Variants in ASMTL observed in about 807,000 individuals in gnomAD.
ASMTL encodes the protein probable bifunctional dTTP/UTP pyrophosphatase/methyltransferase protein.
ASMTL carries 57 observed loss-of-function variants against 60.3 expected under a neutral mutation model. That is an observed-to-expected ratio of 0.95 (90% confidence interval 0.76 to 1.18). The LOEUF (loss-of-function observed/expected upper bound fraction) is 1.18. Ranked by LOEUF, ASMTL falls within the 50% of genes most tolerant of loss-of-function variation. The probability of loss-of-function intolerance (pLI) is 0.00; values close to 1 mark genes in which losing one functional copy is unlikely to be tolerated. For missense variants in ASMTL, 981 were observed against 852.6 expected, an observed-to-expected ratio of 1.15 and a Z score of -1.88; for synonymous variants, 419 against 373.0, an observed-to-expected ratio of 1.12 and a Z score of -1.42.
chrX:1,449,248 T>C (rs2091296869), intron 1 of ASMTL, among the ~76,000 whole-genome samples: 2 of 151,988 alleles, frequency 1.3e-5, no homozygotes, highest in African/African-American at 2.4e-5. Context: ...CTTTTCTTTT[T>C]TCGTCTTTCT....
chrX:1,416,803 C>G (rs2090294840), intron 11 of ASMTL, among the ~76,000 whole-genome samples: 1 of 150,016 alleles, frequency 6.7e-6, no homozygotes, highest in Admixed American at 6.6e-5. Flanking sequence ...CAGTGACATG[C>G]ACACACACCA....
chrX:1,419,196 AAGTGCAGGGCTCC>A (rs2090405623), intron 9 of ASMTL, 82 bp from the exon 10 acceptor site: 1 of 1,534,702 alleles, frequency 6.5e-7, no homozygotes, highest in South Asian at 1.2e-5. Context: ...TCGGGGGGAG[AAGTGCAGGGCTCC>A]AGAGCGTGGG....
intron 11 of ASMTL, among the ~76,000 whole-genome samples, chrX:1,414,343 G>C (rs2090156492): frequency 1.3e-5 from 2 of 152,212 alleles, no homozygotes; most frequent in South Asian, 4.1e-4. Context: ...AGGGGCGGGA[G>C]AGTGTGCGGT....
intron 12 of ASMTL, among the ~76,000 whole-genome samples, chrX:1,407,713 G>A (rs1225386061): frequency 1.3e-5 from 2 of 151,694 alleles, no homozygotes; most frequent in Non-Finnish European, 2.9e-5. Context: ...GTGAGACCCT[G>A]TCTCTATTTT....
At chrX:1,430,046 G>A (rs185478658) in intron 6 of ASMTL, among the ~76,000 whole-genome samples, 4 of 149,872 alleles carry the variant, frequency 2.7e-5, no homozygotes, top group African/African-American at 4.9e-5. Context: ...ACGGAGTCTC[G>A]CTCTGTTGCC....
At chrX:1,404,981 AGAT>A (rs2089755007) in intron 12 of ASMTL, among the ~76,000 whole-genome samples, 1 of 150,902 alleles carries the variant, frequency 6.6e-6, no homozygotes. Context: ...AATAGATGGT[AGAT>A]GATGGGTAGG....
At chrX:1,411,565 T>C (rs28453965) in intron 12 of ASMTL, among the ~76,000 whole-genome samples, 102,046 of 151,668 alleles carry the variant, frequency 0.67, 34,819 homozygotes, top group African/African-American at 0.75. Context: ...TGAGCCGAGA[T>C]GGTGCGTGCT....
intron 12 of ASMTL, among the ~76,000 whole-genome samples, chrX:1,410,993 C>G (rs780920076): frequency 6.6e-6 from 1 of 151,922 alleles, no homozygotes; most frequent in South Asian, 2.1e-4. Context: ...CGAGACCAGC[C>G]TGACCAACAT....
At position 1,434,624 on chromosome X, in the gene ASMTL, T is replaced by C. The variant is rs368148020; in HGVS notation, c.400+398A>G. Reference sequence around the variant, plus strand: ...TTCGAGACCAGCCTGGCCAACATGGTGAAACCCCGTCTCTACTAAAAATAC... The same window carrying C: ...TTCGAGACCAGCCTGGCCAACATGGCGAAACCCCGTCTCTACTAAAAATAC... On this transcript the variant is annotated intron_variant, in intron 5 of 12. Coordinates refer to ENST00000381317, the MANE Select transcript of ASMTL (RefSeq NM_004192.4). 7.3e-5 allele frequency among the ~76,000 whole-genome samples: 11 copies of C among 150,630 alleles called. No individual in the cohort carries two copies. The East Asian group carries it at 1.9e-3, about 27-fold the overall frequency.
intron 1 of ASMTL, among the ~76,000 whole-genome samples, chrX:1,442,859 G>A: frequency 6.6e-6 from 1 of 152,312 alleles, no homozygotes; most frequent in South Asian, 2.1e-4. Flanking sequence ...GACCCCTGCA[G>A]AGACCGTGGG....
intron 1 of ASMTL, among the ~76,000 whole-genome samples, chrX:1,451,622 C>A: frequency 6.7e-6 from 1 of 148,748 alleles, no homozygotes; most frequent in Middle Eastern, 3.9e-3. Context: ...TCGGGTCACT[C>A]TCCCCACCCC....
At chrX:1,447,173 C>A (rs1381794901) in intron 1 of ASMTL, among the ~76,000 whole-genome samples, 14 of 152,192 alleles carry the variant, frequency 9.2e-5, no homozygotes, top group African/African-American at 3.4e-4. Flanking sequence ...CCCGTAATAA[C>A]CACCTCCCTC....
rs2090590480 is a variant in ASMTL at position 1,425,443 on chromosome X, T to G, written c.1060+82A>C. Reference sequence around the variant, plus strand: ...AGAAGGTGTGGGCCTCCTTCCTCGCTCTGCCCAGGCTCCAGGTCACCTTCC... The same window carrying G: ...AGAAGGTGTGGGCCTCCTTCCTCGCGCTGCCCAGGCTCCAGGTCACCTTCC... On this transcript the variant is annotated intron_variant, in intron 8 of 12. Coordinates refer to ENST00000381317, the MANE Select transcript of ASMTL (RefSeq NM_004192.4). 2.6e-6 allele frequency: 4 copies of G among 1,514,940 alleles called. No homozygotes were observed. The South Asian group carries it at 4.9e-5, about 19-fold the overall frequency. 93.8% of individuals were successfully genotyped at this position (1,514,940 alleles called of 1,614,324 possible). A position where few individuals can be genotyped will look rare whatever the true frequency, so the allele number is the denominator to read the frequency against.
chrX:1,413,764 A>G (rs777892813), intron 11 of ASMTL: 1 of 152,470 alleles, frequency 6.6e-6, no homozygotes, highest in African/African-American at 2.4e-5. Flanking sequence ...CTTCTAAGAG[A>G]CAGAAGAGGA....
intron 11 of ASMTL, 103 bp downstream of exon 11, chrX:1,417,870 C>T (rs1227016747): frequency 5.6e-5 from 81 of 1,448,066 alleles, no homozygotes; most frequent in Middle Eastern, 2.5e-4. Flanking sequence ...ACCATGGAAA[C>T]GCCCAGGCAG....
chrX:1,434,504 G>A (rs376615542), intron 5 of ASMTL, among the ~76,000 whole-genome samples: 23,009 of 128,250 alleles, frequency 0.18, 2,404 homozygotes, highest in Middle Eastern at 0.29. Flanking sequence ...AAAAAAAAAA[G>A]AAAGAAAGAA....
chrX:1,404,299 G>C (rs1371703270), intron 12 of ASMTL, among the ~76,000 whole-genome samples: 2 of 150,880 alleles, frequency 1.3e-5, no homozygotes, highest in Non-Finnish European at 3.0e-5. Context: ...TGGGTGAATA[G>C]ATGGTAGATC....
chrX:1,434,397 G>A (rs184741032), intron 5 of ASMTL, among the ~76,000 whole-genome samples: 1 of 151,862 alleles, frequency 6.6e-6, no homozygotes, highest in Non-Finnish European at 1.5e-5. Flanking sequence ...GGCTGAGGCG[G>A]GAGGATCGCT....
chrX:1,412,146 T>G (rs2090053607), intron 12 of ASMTL, among the ~76,000 whole-genome samples: 2 of 151,958 alleles, frequency 1.3e-5, no homozygotes, highest in African/African-American at 4.8e-5. Context: ...ACAGCAGATT[T>G]ACCCTCCACA....
Sources: gnomAD v4.1 joint callset for allele counts (sites outside exome capture counted in the v4.1 genomes callset) on GRCh38, gnomAD v4.1.1 for gene constraint, MANE v1.5 for transcripts, NCBI Gene and HGNC (gene_info 2026-07-23, HGNC 2026-07-21) for gene names.